ARRDC3: variants seen among roughly 807,000 people sequenced by gnomAD.
The protein encoded by ARRDC3 is arrestin domain-containing protein 3.
In ARRDC3, 10 loss-of-function variants were observed where a neutral mutation model predicts 47.2. That is an observed-to-expected ratio of 0.21 (90% CI 0.13 to 0.36). ARRDC3 has a LOEUF of 0.36. Among genes scored for constraint, ARRDC3 ranks in the 10% least tolerant of loss-of-function variants. ARRDC3 has a pLI of 1.00. For synonymous variants in ARRDC3, 156 were observed against 178.3 expected (o/e 0.87, Z 1.00); for missense variants, 381 against 503.6 (o/e 0.76, Z 2.33).
In ARRDC3 at chr5:91,373,684, C is replaced by G. The variant is rs138806357; in HGVS notation, c.1188G>C (p.Glu396Asp). The G allele has an allele frequency of 1.2e-6, 2 of 1,612,898 alleles. No homozygotes were observed. The highest frequency in any genetic ancestry group is 2.2e-5 in the South Asian group (2 of 90,980). ...FRFLPPPLYS[E>D]IDPNPDQSAD... Reference sequence around the variant, plus strand: ...TCATACTTAAGGAGTAGGTACTTACCTCTGAATAAAGAGGTGGAGGCAAGA... The same window carrying G: ...TCATACTTAAGGAGTAGGTACTTACGTCTGAATAAAGAGGTGGAGGCAAGA... The change falls in exon 7 of 8, where the codon GAG becomes GAC. Residue 396 changes from glutamate to aspartate, a missense_variant and splice_region_variant. Transcript: ENST00000265138.
At position 91,375,036 on chromosome 5, in the gene ARRDC3, C is replaced by T; in HGVS notation, c.756G>A (p.Gly252=). Residue 252 remains glycine (G), a synonymous_variant, in exon 5 of 8, where the codon GGG becomes GGA. Coordinates refer to ENST00000265138, the MANE Select transcript of ARRDC3 (RefSeq NM_020801.4). The stretch of plus-strand genomic sequence containing the variant: ...CTGTCTTTCCAGATGATAAGGATTC[C>T]CCACGCAAGTTAGCCACAAGCTGTT... ...EVKQLVANLR[G]ESLSSGKTET... The T allele has an allele frequency of 1.2e-6, 2 of 1,614,120 alleles. No homozygotes were observed.
At position 91,373,739 on chromosome 5, in the gene ARRDC3, G is replaced by A. The variant is rs1799233771; in HGVS notation, c.1133C>T (p.Pro378Leu). The A allele has an allele frequency of 6.2e-7, 1 of 1,613,928 alleles. No homozygotes were observed. Among genetic ancestry groups the A allele is most frequent in the South Asian group, 1.1e-5 (1 of 91,084 alleles). The change falls in exon 7 of 8, where the codon CCA (proline) becomes CTA (leucine). Residue 378 changes from proline to leucine, a missense_variant. Transcript: ENST00000265138. ...AAACTCCTGGATATATGCAAACAGT[G>A]GTCCTTGAAGGGCTCTCTCAAAGTC... ...CDDFERALQG[P>L]LFAYIQEFRF...
chr5:91,373,395 C>A (rs1393448718), intron 7 of ARRDC3, among the ~76,000 whole-genome samples: 1 of 151,872 alleles, frequency 6.6e-6, no homozygotes, highest in East Asian at 1.9e-4. Flanking sequence ...ATACAAAATT[C>A]TTCCTTCAAA....
In ARRDC3 at chr5:91,381,023, C is replaced by A. The variant is rs186399201; in HGVS notation, c.280+1790G>T. ...AGCCGCGGCGCGAGCTCACTCTCCCCACCCGCCCGCGCCCAATCCAATCAG... is the reference window on the plus strand; with the variant it reads ...AGCCGCGGCGCGAGCTCACTCTCCCAACCCGCCCGCGCCCAATCCAATCAG... On this transcript the variant is annotated intron_variant, in intron 1 of 7. Coordinates refer to ENST00000265138, the MANE Select transcript of ARRDC3 (RefSeq NM_020801.4). 878 of 152,392 alleles carry A rather than the reference C, an allele frequency of 5.8e-3. 5 individuals are homozygous for A. The highest frequency in any genetic ancestry group is 8.4e-3 in the Non-Finnish European group (574 of 68,068). 9.4% of individuals were successfully genotyped at this position (152,392 alleles called of 1,614,324 possible). A position where few individuals can be genotyped will look rare whatever the true frequency, so the allele number is the denominator to read the frequency against.
rs528447344 is a variant in ARRDC3 at position 91,373,591 on chromosome 5, A to C, written c.1188+93T>G. The C allele has an allele frequency of 2.7e-4, 325 of 1,207,336 alleles. 2 individuals carry two copies. Among genetic ancestry groups the C allele is most frequent in the Admixed American group, 4.6e-4 (21 of 45,526 alleles). The allele number at this position is 1,207,336 out of a possible 1,614,324, so 74.8% of individuals were successfully genotyped here. ...AATTATTTGTTCTGTTAACATGATA[A>C]TCAAGATCTAATAACATTAAGAAAA... is the stretch of plus-strand genomic sequence containing the variant. On this transcript the variant is annotated intron_variant, in intron 7 of 7. Coordinates refer to ENST00000265138, the MANE Select transcript of ARRDC3 (RefSeq NM_020801.4).
rs1479364592 is a variant in ARRDC3 at position 91,370,385 on chromosome 5, T to G, written c.*1015A>C. On this transcript the variant is annotated 3_prime_UTR_variant, in exon 8 of 8. Transcript: ENST00000265138. Reference sequence around the variant, plus strand: ...TTCTTCACTCCATTCTTAGCTCTGCTAGTTTCTTCTTGTATGTCATGATAA... The same window carrying G: ...TTCTTCACTCCATTCTTAGCTCTGCGAGTTTCTTCTTGTATGTCATGATAA... 1 of 152,642 alleles carries G rather than the reference T, an allele frequency of 6.6e-6. No individual in the cohort carries two copies. Among genetic ancestry groups the G allele is most frequent in the African/African-American group, 2.4e-5 (1 of 41,458 alleles). The allele number at this position is 152,642 out of a possible 1,614,324, so 9.5% of individuals were successfully genotyped here. A position where few individuals can be genotyped will look rare whatever the true frequency, so the allele number is the denominator to read the frequency against.
chr5:91,377,331 A>G (rs575178085), intron 2 of ARRDC3, among the ~76,000 whole-genome samples: 23 of 152,282 alleles, frequency 1.5e-4, no homozygotes, highest in Middle Eastern at 6.8e-3. Context: ...CTCATGTTCT[A>G]ATTCTTGTTT....
intron 1 of ARRDC3, among the ~76,000 whole-genome samples, chr5:91,379,610 T>A (rs1686120476): frequency 6.6e-6 from 1 of 151,998 alleles, no homozygotes; most frequent in Admixed American, 6.6e-5. Flanking sequence ...GGTGAAATTA[T>A]TTTTTTTCAA....
At chr5:91,380,158 G>C (rs1257539495) in intron 1 of ARRDC3, 1 of 154,672 alleles carries the variant, frequency 6.5e-6, no homozygotes, top group Non-Finnish European at 1.4e-5. Flanking sequence ...AACTAGACCG[G>C]AGCAGGAGAG....
chr5:91,373,422 A>G (rs746910375), intron 7 of ARRDC3, among the ~76,000 whole-genome samples: 2 of 149,132 alleles, frequency 1.3e-5, no homozygotes, highest in Non-Finnish European at 3.0e-5. Context: ...GTCTCAAGAT[A>G]AAAGTTTAAG....
rs1276967942 is a variant in ARRDC3 at position 91,370,167 on chromosome 5, C to T, written c.*1233G>A. The stretch of plus-strand genomic sequence containing the variant: ...GTATGTATTCCTGCTCATTAATATA[C>T]TTTGCACCAGCAAAAGCGATTTCCA... On this transcript the variant is annotated 3_prime_UTR_variant, in exon 8 of 8. Transcript: ENST00000265138. The T allele has an allele frequency of 6.6e-6, 1 of 152,310 alleles. No individual in the cohort carries two copies. The highest frequency in any genetic ancestry group is 2.4e-5 in the African/African-American group (1 of 41,438). 9.4% of individuals were successfully genotyped at this position (152,310 alleles called of 1,614,324 possible). A position where few individuals can be genotyped will look rare whatever the true frequency, so the allele number is the denominator to read the frequency against.
At chr5:91,380,183 G>C (rs1799413746) in intron 1 of ARRDC3, 2 of 160,632 alleles carry the variant, frequency 1.2e-5, no homozygotes, top group Admixed American at 6.5e-5. Context: ...GGCCTAAACC[G>C]GCGCGAGCAG....
In ARRDC3 at chr5:91,382,938, C is replaced by T; in HGVS notation, c.155G>A (p.Arg52Lys). Reference sequence around the variant, plus strand: ...AGTCCAGCGTACTTTCGCATGTCCTCTTGCATGAATTTTAAGAGATTTTAC... The same window carrying T: ...AGTCCAGCGTACTTTCGCATGTCCTTTTGCATGAATTTTAAGAGATTTTAC... ...IRVKSLKIHA[R>K]GHAKVRWTES... The change falls in exon 1 of 8, where the codon AGA becomes AAA. Residue 52 changes from arginine (R) to lysine (K), a missense_variant. Physicochemically the swap from Arg to Lys is conservative, Grantham distance 26. Coordinates refer to ENST00000265138, the MANE Select transcript of ARRDC3 (RefSeq NM_020801.4). 6.2e-7 allele frequency: 1 copy of T among 1,614,126 alleles called. No homozygotes were observed. Among genetic ancestry groups the T allele is most frequent in the Non-Finnish European group, 8.5e-7 (1 of 1,180,020 alleles).
At chr5:91,381,455 C>T (rs956797763) in intron 1 of ARRDC3, among the ~76,000 whole-genome samples, 3 of 152,188 alleles carry the variant, frequency 2.0e-5, no homozygotes, top group Non-Finnish European at 4.4e-5. Flanking sequence ...GCATTTGCAT[C>T]TCCTATCAGT....
At chr5:91,373,637 TTCCC>T in intron 7 of ARRDC3, 43 bp downstream of exon 7, 1 of 1,544,054 alleles carries the variant, frequency 6.5e-7, no homozygotes, top group Non-Finnish European at 8.8e-7. Context: ...GCAATGCTAT[TTCCC>T]AAGATAGCCA....
Position 91,378,394 on chromosome 5 carries a change from TG to T in ARRDC3, c.362+299del, listed in dbSNP as rs532558021. Among the ~76,000 whole-genome samples the T allele has an allele frequency of 1.4e-4, 22 of 152,196 alleles. No homozygotes were observed. In the South Asian group the frequency reaches 4.1e-3, roughly 29 times the overall value. ...AATTGATAATAAACTAAGTATAAAGTGGTTATTATTCGACTAGCAACTTCCA... is the reference window on the plus strand; with the variant it reads ...AATTGATAATAAACTAAGTATAAAGTGTTATTATTCGACTAGCAACTTCCA... On this transcript the variant is annotated intron_variant, in intron 2 of 7. Transcript: ENST00000265138.
rs549995645 is a variant in ARRDC3 at position 91,373,865 on chromosome 5, G to A, written c.1034-27C>T. ...TGAAGGAAAAAGATACACGCAATTC[G>A]AACAGCATGTTCTTATGCATGTCAA... is the stretch of plus-strand genomic sequence containing the variant. On this transcript the variant is annotated intron_variant, in intron 6 of 7. Transcript: ENST00000265138. 1.1e-4 allele frequency: 185 copies of A among 1,612,944 alleles called. 2 individuals carry two copies. The South Asian group carries it at 1.7e-3, about 15-fold the overall frequency.
At chr5:91,374,512 T>A (rs982785307) in intron 5 of ARRDC3, among the ~76,000 whole-genome samples, 1 of 151,982 alleles carries the variant, frequency 6.6e-6, no homozygotes, top group East Asian at 1.9e-4. Context: ...ATATGGAATT[T>A]AAAAAAATCA....
At chr5:91,380,968 C>G (rs1043913681) in intron 1 of ARRDC3, 1 of 152,238 alleles carries the variant, frequency 6.6e-6, no homozygotes, top group Non-Finnish European at 1.5e-5. Context: ...GAACCTTTAC[C>G]GGCGCACGCC....
Sources: allele counts gnomAD v4.1 joint callset (sites outside exome capture counted in the v4.1 genomes callset), GRCh38; gene constraint gnomAD v4.1.1; transcripts MANE v1.5; gene names NCBI Gene and HGNC (gene_info 2026-07-23, HGNC 2026-07-21).